Variants in DNAH17 observed in about 807,000 individuals in gnomAD.
The protein encoded by DNAH17 is dynein axonemal heavy chain 17, also known as axonemal beta dynein heavy chain 17.
DNAH17 carries 376 observed loss-of-function variants against 485.6 expected under a neutral mutation model. The ratio of observed to expected loss-of-function variants is 0.77; its 90% CI spans 0.71 to 0.84. The LOEUF is 0.84. Ranked by LOEUF, DNAH17 falls within the 40% of genes least tolerant of loss-of-function variation. The probability of loss-of-function intolerance (pLI) is 0.00; values close to 1 mark genes in which losing one functional copy is unlikely to be tolerated. For missense variants in DNAH17, 6,370 were observed against 5,839.3 expected (o/e 1.09, Z -2.96); for synonymous variants, 3,031 against 2,405.9 (o/e 1.26, Z -7.60).
chr17:78,520,052 A>G (rs2090895528), intron 25 of DNAH17, among the ~76,000 whole-genome samples: 1 of 152,218 alleles, frequency 6.6e-6, no homozygotes, highest in South Asian at 2.1e-4. Flanking sequence ...CAGAGGTTGC[A>G]GTGAGCCAAA....
At position 78,486,064 on chromosome 17, in the gene DNAH17, G is replaced by C; in HGVS notation, c.7171C>G (p.Gln2391Glu). The change falls in exon 46 of 81, where the codon CAG becomes GAG. Residue 2391 changes from glutamine (Q) to glutamate (E), a missense_variant. Gln to Glu is a conservative substitution (Grantham distance 29). Coordinates refer to ENST00000389840, the MANE Select transcript of DNAH17 (RefSeq NM_173628.4). ...ATGTAGTAGTCAAAAATCGTTCCCTGCGAGGGGAACTTGATAGTCTTGAAT... is the reference window on the plus strand; with the variant it reads ...ATGTAGTAGTCAAAAATCGTTCCCTCCGAGGGGAACTTGATAGTCTTGAAT... The part of the protein sequence containing the change: ...NEFKTIKFPS[Q>E]GTIFDYYIDP... 1 of 1,613,968 alleles carries C rather than the reference G, an allele frequency of 6.2e-7. No homozygotes were observed. The highest frequency in any genetic ancestry group is 8.5e-7 in the Non-Finnish European group (1 of 1,179,888).
At chr17:78,485,899 G>C in intron 46 of DNAH17, 61 bp downstream of exon 46, 1 of 1,587,668 alleles carries the variant, frequency 6.3e-7, no homozygotes, top group Non-Finnish European at 8.6e-7. Context: ...CGTGTGGAGG[G>C]TACTGCACCG....
At chr17:78,463,474 G>A (rs34368900) in intron 56 of DNAH17, among the ~76,000 whole-genome samples, 12,976 of 151,962 alleles carry the variant, frequency 0.085, 705 homozygotes, top group Non-Finnish European at 0.12. Context: ...ACGTGCATAC[G>A]CATTCACATA....
Position 78,461,717 on chromosome 17 carries a change from G to A in DNAH17, c.9175-9C>T. On this transcript the variant is annotated splice_polypyrimidine_tract_variant and intron_variant, in intron 57 of 80. Coordinates refer to ENST00000389840, the MANE Select transcript of DNAH17 (RefSeq NM_173628.4). ...GCTTTCAAATCATCCACCTGGGGAAGGAGAAACCGAGAAACAGCAAGTGTG... is the reference window on the plus strand; with the variant it reads ...GCTTTCAAATCATCCACCTGGGGAAAGAGAAACCGAGAAACAGCAAGTGTG... 6.2e-7 allele frequency: 1 copy of A among 1,606,962 alleles called. No individual in the cohort carries two copies. The highest frequency in any genetic ancestry group is 8.5e-7 in the Non-Finnish European group (1 of 1,176,842).
At chr17:78,537,571 A>G (rs2091412410) in intron 18 of DNAH17, 90 bp from the exon 19 acceptor site, 17 of 1,387,770 alleles carry the variant, frequency 1.2e-5, no homozygotes, top group Non-Finnish European at 1.6e-5. Context: ...CGTACCATCA[A>G]TGTGTCACTG....
At chr17:78,427,573 G>C (rs1219167829) in intron 77 of DNAH17, among the ~76,000 whole-genome samples, 1 of 152,232 alleles carries the variant, frequency 6.6e-6, no homozygotes, top group East Asian at 1.9e-4. Flanking sequence ...TAGACTAAGA[G>C]AAAGTCCTGG....
At chr17:78,432,181 A>G (rs1319100276) in intron 75 of DNAH17, among the ~76,000 whole-genome samples, 2 of 142,716 alleles carry the variant, frequency 1.4e-5, no homozygotes, top group Non-Finnish European at 3.0e-5. Flanking sequence ...CTGTCTCAAA[A>G]ATAAATAAAT....
rs2091270721 is a variant in DNAH17, at chr17:78,532,613, T to C, written c.2983A>G (p.Thr995Ala). The change falls in exon 20 of 81, where the codon ACG becomes GCG. Residue 995 changes from threonine (T) to alanine (A), a missense_variant. By Grantham distance (58) the Thr-to-Ala change is moderately conservative. Transcript: ENST00000389840. ...TTCATAAACTCCTGCAGGTTGTCCG[T>C]CCAGAGGTAGGAGTACCTCTCAAAG... ...DSFERYSYLW[T>A]DNLQEFMKNF... 2 of 1,606,240 alleles carry C rather than the reference T, an allele frequency of 1.2e-6. No homozygotes were observed. The highest frequency in any genetic ancestry group is 1.3e-5 in the African/African-American group (1 of 74,790).
At chr17:78,434,008 A>G in intron 75 of DNAH17, 21 bp downstream of exon 75, 10 of 1,546,406 alleles carry the variant, frequency 6.5e-6, no homozygotes, top group Non-Finnish European at 8.7e-6. Context: ...GTCCAAGTAC[A>G]GGGCACACAC....
Position 78,492,851 on chromosome 17 carries a change from G to C in DNAH17, c.6409-86C>G, listed in dbSNP as rs1598575749. 1.6e-5 allele frequency: 5 copies of C among 312,358 alleles called. No individual in the cohort carries two copies. The African/African-American group carries it at 3.5e-4, about 22-fold the overall frequency. 19.3% of individuals were successfully genotyped at this position (312,358 alleles called of 1,614,324 possible). A position where few individuals can be genotyped will look rare whatever the true frequency, so the allele number is the denominator to read the frequency against. ...AGCCTCAGGACCATGGGTGGGCCTG[G>C]ATGGTTTTTTTTTTTTTGAGATGGA... On this transcript the variant is annotated intron_variant, in intron 41 of 80. Coordinates refer to ENST00000389840, the MANE Select transcript of DNAH17 (RefSeq NM_173628.4).
intron 36 of DNAH17, chr17:78,499,314 A>G (rs1170329829): frequency 4.9e-6 from 2 of 411,050 alleles, no homozygotes; most frequent in Non-Finnish European, 8.6e-6. Context: ...GACACGAGGA[A>G]GAGCCATCCT....
chr17:78,570,545 A>C (rs2092336744), intron 6 of DNAH17, among the ~76,000 whole-genome samples, 173 bp from the exon 7 acceptor site: 1 of 151,864 alleles, frequency 6.6e-6, no homozygotes, highest in Admixed American at 6.6e-5. Flanking sequence ...CAAGAAACCC[A>C]CGGCCCCACA....
chr17:78,528,803 G>T (rs546987164), intron 22 of DNAH17, among the ~76,000 whole-genome samples: 42 of 152,142 alleles, frequency 2.8e-4, no homozygotes, highest in Middle Eastern at 6.8e-3. Context: ...CTGTGCAAAC[G>T]CAGCTGCCAG....
At chr17:78,424,837 T>G (rs2086355707) in intron 80 of DNAH17, 1 of 156,684 alleles carries the variant, frequency 6.4e-6, no homozygotes, top group Admixed American at 6.2e-5. Context: ...TGACCTCTTC[T>G]GTGTAGCAGG....
chr17:78,433,037 C>T (rs1395376659), intron 75 of DNAH17, among the ~76,000 whole-genome samples: 1 of 152,126 alleles, frequency 6.6e-6, no homozygotes, highest in African/African-American at 2.4e-5. Context: ...TTCCCATCCC[C>T]CTCCCAGTCT....
intron 15 of DNAH17, among the ~76,000 whole-genome samples, chr17:78,552,153 G>T (rs1029044094): frequency 6.6e-6 from 1 of 152,158 alleles, no homozygotes; most frequent in African/African-American, 2.4e-5. Flanking sequence ...ATAGGGTTTG[G>T]AGAATGTGTG....
chr17:78,429,058 G>T (rs2086583483), intron 76 of DNAH17, 63 bp downstream of exon 76: 23 of 1,550,866 alleles, frequency 1.5e-5, no homozygotes, highest in Non-Finnish European at 2.0e-5. Context: ...TGTGCTGGCA[G>T]GCTCTCACCG....
intron 56 of DNAH17, among the ~76,000 whole-genome samples, chr17:78,466,205 G>T (rs956199024): frequency 3.9e-5 from 6 of 152,198 alleles, no homozygotes; most frequent in Non-Finnish European, 8.8e-5. Context: ...TGCAAGATGT[G>T]CTTTGTTAAA....
rs771415581 is a variant in DNAH17 at position 78,530,450 on chromosome 17, G to T, written c.3177C>A (p.His1059Gln). 1 of 1,613,598 alleles carries T rather than the reference G, an allele frequency of 6.2e-7. No individual in the cohort carries two copies. The highest frequency in any genetic ancestry group is 8.5e-7 in the Non-Finnish European group (1 of 1,179,758). Residue 1059 changes from histidine to glutamine, a missense_variant, in exon 21 of 81, where the codon CAC (histidine) becomes CAA (glutamine). Transcript: ENST00000389840. ...VSKCENTKVF[H>Q]GWLQCDCRPF... The stretch of plus-strand genomic sequence containing the variant: ...GGCGGCAGTCGCACTGCAGCCAGCC[G>T]TGGAACACCTTGGTGTTCTCGCACT...
Sources: gnomAD v4.1 joint callset for allele counts (sites outside exome capture counted in the v4.1 genomes callset) on GRCh38, gnomAD v4.1.1 for gene constraint, MANE v1.5 for transcripts, NCBI Gene and HGNC (gene_info 2026-07-23, HGNC 2026-07-21) for gene names.